NFYC: variants seen among roughly 807,000 people sequenced by gnomAD.
The protein encoded by NFYC is nuclear transcription factor Y subunit gamma, also known as CAAT box DNA-binding protein subunit C.
A neutral mutation model predicts 53.1 loss-of-function variants in NFYC; 25 were observed. That is an observed-to-expected ratio of 0.47 (90% CI 0.34 to 0.66). The LOEUF (loss-of-function observed/expected upper bound fraction) is 0.66, where lower values mean the gene tolerates loss of function less well. Ranked by LOEUF, NFYC falls within the 30% of genes least tolerant of loss-of-function variation. The pLI is 0.01. For missense variants in NFYC, 260 were observed against 422.7 expected (o/e 0.62, Z 3.38); for synonymous variants, 145 against 152.6 (o/e 0.95, Z 0.37).
At chr1:40,710,288 G>C (rs1000092254) in intron 1 of NFYC, among the ~76,000 whole-genome samples, 1 of 152,152 alleles carries the variant, frequency 6.6e-6, no homozygotes, top group African/African-American at 2.4e-5. Context: ...CATTTTGTCA[G>C]GTGTTGATTT....
At chr1:40,694,105 G>A (rs2780953) in intron 1 of NFYC, among the ~76,000 whole-genome samples, 119,514 of 152,258 alleles carry the variant, frequency 0.78, 47,533 homozygotes, top group African/African-American at 0.9. Flanking sequence ...TAGTCTTTCT[G>A]TATGTGGAGG....
At position 40,733,790 on chromosome 1, in the gene NFYC, C is replaced by T. The variant is rs187529644; in HGVS notation, c.-8-5046C>T. 4.8e-4 allele frequency among the ~76,000 whole-genome samples: 73 copies of T among 152,090 alleles called. 1 individual carries two copies. The East Asian group carries it at 0.011, about 22-fold the overall frequency. On this transcript the variant is annotated intron_variant, in intron 1 of 9. Transcript: ENST00000447388. ...ATGGAGTCTCGCTCTGTCGCCCAGG[C>T]TGTTGTGCAGTGGCATTATCTTGAC...
intron 1 of NFYC, among the ~76,000 whole-genome samples, chr1:40,737,988 C>T (rs1021963936): frequency 4.7e-5 from 7 of 150,204 alleles, no homozygotes; most frequent in South Asian, 4.2e-4. Flanking sequence ...CTGCAAGCTC[C>T]GCCTCCCGGG....
chr1:40,739,815 A>G (rs1378344225), intron 2 of NFYC, among the ~76,000 whole-genome samples: 1 of 152,216 alleles, frequency 6.6e-6, no homozygotes, highest in African/African-American at 2.4e-5. Context: ...AGTAAAGGGA[A>G]CATTTTTGTT....
At chr1:40,756,794 C>T (rs1277222624) in intron 5 of NFYC, among the ~76,000 whole-genome samples, 1 of 152,234 alleles carries the variant, frequency 6.6e-6, no homozygotes, top group East Asian at 1.9e-4. Flanking sequence ...ATTCATCATT[C>T]ATCACGCACT....
chr1:40,748,519 C>T (rs4660452), intron 3 of NFYC, among the ~76,000 whole-genome samples: 32,709 of 152,096 alleles, frequency 0.22, 4,147 homozygotes, highest in South Asian at 0.42. Flanking sequence ...TAGCGTCTTA[C>T]ATAGTTTGTT....
At chr1:40,698,256 A>G (rs1438248869) in intron 1 of NFYC, among the ~76,000 whole-genome samples, 1 of 151,570 alleles carries the variant, frequency 6.6e-6, no homozygotes, top group African/African-American at 2.4e-5. Flanking sequence ...CCAGCTACTC[A>G]GGAGGCTGAG....
At chr1:40,744,348 A>G (rs1172870618) in intron 2 of NFYC, among the ~76,000 whole-genome samples, 1 of 152,210 alleles carries the variant, frequency 6.6e-6, no homozygotes, top group African/African-American at 2.4e-5. Flanking sequence ...GAGCTCAGGC[A>G]TCTTGTTTTT....
intron 4 of NFYC, among the ~76,000 whole-genome samples, chr1:40,752,442 G>A (rs1459011777): frequency 6.6e-6 from 1 of 152,050 alleles, no homozygotes; most frequent in East Asian, 1.9e-4. Flanking sequence ...TTCAAAGAAA[G>A]GAAGTATCAC....
intron 2 of NFYC, among the ~76,000 whole-genome samples, chr1:40,740,608 T>A (rs1263784266): frequency 6.6e-6 from 1 of 152,178 alleles, no homozygotes; most frequent in Non-Finnish European, 1.5e-5. Context: ...TTCTGCAGTC[T>A]AAGGTAGTAG....
At chr1:40,735,234 A>T (rs1351768881) in intron 1 of NFYC, 2 of 148,328 alleles carry the variant, frequency 1.3e-5, no homozygotes, top group Non-Finnish European at 3.0e-5. Flanking sequence ...AATGTAAAGG[A>T]TATTATTGAC....
chr1:40,747,946 A>G (rs1645702537), intron 3 of NFYC, among the ~76,000 whole-genome samples: 1 of 149,954 alleles, frequency 6.7e-6, no homozygotes, highest in Non-Finnish European at 1.5e-5. Flanking sequence ...GGCAATTCCC[A>G]TGCCTCAGAC....
chr1:40,752,935 G>GTGAGTTACA (rs1287051369), intron 4 of NFYC, among the ~76,000 whole-genome samples: 1 of 152,094 alleles, frequency 6.6e-6, no homozygotes, highest in Non-Finnish European at 1.5e-5. Context: ...ATTTTACAGT[G>GTGAGTTACA]TGAGTTACAT....
chr1:40,704,081 G>GTT (rs11296946), intron 1 of NFYC, among the ~76,000 whole-genome samples: 3 of 135,860 alleles, frequency 2.2e-5, no homozygotes, highest in Non-Finnish European at 4.8e-5. Context: ...TGATTTAAGT[G>GTT]TTTTTTTTTT....
intron 1 of NFYC, among the ~76,000 whole-genome samples, chr1:40,722,252 A>G (rs1169962497): frequency 6.6e-6 from 1 of 152,148 alleles, no homozygotes; most frequent in African/African-American, 2.4e-5. Context: ...AACCTAGTAT[A>G]GCTATTGATC....
intron 1 of NFYC, among the ~76,000 whole-genome samples, chr1:40,705,376 A>T (rs1393433333): frequency 2.0e-5 from 3 of 151,014 alleles, no homozygotes; most frequent in Non-Finnish European, 4.4e-5. Flanking sequence ...GCTCCAGTAC[A>T]GATAAGGCCT....
chr1:40,730,031 A>G (rs1644694563), intron 1 of NFYC, among the ~76,000 whole-genome samples: 1 of 149,312 alleles, frequency 6.7e-6, no homozygotes, highest in African/African-American at 2.5e-5. Context: ...CTAGCTTTCG[A>G]TTGATTGAGT....
intron 1 of NFYC, among the ~76,000 whole-genome samples, chr1:40,717,033 G>C (rs1379702384): frequency 6.6e-6 from 1 of 152,182 alleles, no homozygotes; most frequent in East Asian, 1.9e-4. Flanking sequence ...TCTGGTTGTA[G>C]ATGTCCAGCC....
chr1:40,757,489 G>C, intron 5 of NFYC: 1 of 391,052 alleles, frequency 2.6e-6, no homozygotes, highest in Non-Finnish European at 5.5e-6. Flanking sequence ...CCTGGGTTGC[G>C]CTTCTGTGGC....
Sources: allele counts gnomAD v4.1 joint callset (sites outside exome capture counted in the v4.1 genomes callset), GRCh38; gene constraint gnomAD v4.1.1; transcripts MANE v1.5; gene names NCBI Gene and HGNC (gene_info 2026-07-23, HGNC 2026-07-21).